Variants in GSE1 observed in about 807,000 individuals in gnomAD.
GSE1 encodes Gse1 coiled-coil protein, also known as genetic suppressor element 1.
A neutral mutation model predicts 112.6 loss-of-function variants in GSE1; 32 were observed. The ratio of observed to expected loss-of-function variants is 0.28; its 90% CI spans 0.21 to 0.38. GSE1 has a LOEUF of 0.38. Among genes scored for constraint, GSE1 ranks in the 10% least tolerant of loss-of-function variants. GSE1 has a pLI of 1.00. For synonymous variants in GSE1, 1,115 were observed against 735.6 expected (o/e 1.52, Z -8.35); for missense variants, 2,348 against 1,699.2 (o/e 1.38, Z -6.71).
chr16:85,379,377 C>T lies in GSE1; in HGVS notation c.2464+21734C>T, dbSNP rs923059474. Among the ~76,000 whole-genome samples the T allele has an allele frequency of 2.6e-5, 4 of 152,198 alleles. No homozygotes were observed. In the South Asian group the frequency reaches 8.3e-4, roughly 31 times the overall value. Reference sequence around the variant, plus strand: ...AATGGTGCCTGGCCCCGTGAGGTGGCCCTCGGAAAAACCTTGTCAGATGTA... The same window carrying T: ...AATGGTGCCTGGCCCCGTGAGGTGGTCCTCGGAAAAACCTTGTCAGATGTA... On this transcript the variant is annotated intron_variant, in intron 2 of 2. Transcript: ENST00000637419.
chr16:85,638,027 G>T (rs114116025), intron 2 of GSE1, among the ~76,000 whole-genome samples: 1 of 152,172 alleles, frequency 6.6e-6, no homozygotes, highest in African/African-American at 2.4e-5. Flanking sequence ...GCTGCCCCAC[G>T]CGGCCCCTCC....
intron 1 of GSE1, among the ~76,000 whole-genome samples, chr16:85,589,400 C>G (rs2046867630): frequency 6.6e-6 from 1 of 151,912 alleles, no homozygotes; most frequent in South Asian, 2.1e-4. Context: ...TGGGCAGGGC[C>G]TGGGCTGGGT....
At chr16:85,542,178 G>T (rs1393331823) in intron 2 of GSE1, among the ~76,000 whole-genome samples, 1 of 152,240 alleles carries the variant, frequency 6.6e-6, no homozygotes, top group Non-Finnish European at 1.5e-5. Context: ...GTAGAGTCAG[G>T]GCTGGGATGC....
intron 2 of GSE1, among the ~76,000 whole-genome samples, chr16:85,538,757 C>T (rs957541314): frequency 5.9e-5 from 9 of 152,160 alleles, no homozygotes; most frequent in Non-Finnish European, 1.2e-4. Flanking sequence ...GGAGCAGGCT[C>T]GGTGCCCCAC....
chr16:85,418,910 C>A (rs1411588459), intron 2 of GSE1, among the ~76,000 whole-genome samples: 1 of 152,154 alleles, frequency 6.6e-6, no homozygotes, highest in Non-Finnish European at 1.5e-5. Flanking sequence ...CTTAGAACAT[C>A]TCCAAGTCTG....
chr16:85,222,726 GGGA>G (rs1482464603), intron 1 of GSE1, among the ~76,000 whole-genome samples: 2 of 152,128 alleles, frequency 1.3e-5, no homozygotes, highest in Non-Finnish European at 2.9e-5. Context: ...GTGGACTGCC[GGGA>G]GGAGATGTTT....
chr16:85,531,977 G>A (rs901552862), intron 2 of GSE1, among the ~76,000 whole-genome samples: 2 of 152,186 alleles, frequency 1.3e-5, no homozygotes, highest in African/African-American at 4.8e-5. Context: ...GAGTAGGGGG[G>A]CAGGCAGAGG....
At chr16:85,385,928 G>A (rs565410179) in intron 2 of GSE1, among the ~76,000 whole-genome samples, 6 of 152,208 alleles carry the variant, frequency 3.9e-5, no homozygotes, top group African/African-American at 1.4e-4. Context: ...GGGGTATGGG[G>A]TGCTTTCAGG....
chr16:85,630,988 T>C (rs1029552675), intron 1 of GSE1, among the ~76,000 whole-genome samples: 1 of 152,160 alleles, frequency 6.6e-6, no homozygotes, highest in Non-Finnish European at 1.5e-5. Context: ...GTGTGACTTC[T>C]GAGAGCTGCT....
At chr16:85,480,002 C>T (rs1019713488) in intron 2 of GSE1, among the ~76,000 whole-genome samples, 1 of 152,212 alleles carries the variant, frequency 6.6e-6, no homozygotes, top group African/African-American at 2.4e-5. Context: ...GGCCACACAG[C>T]GGCCATGATG....
At chr16:85,540,166 A>T (rs3934891) in intron 2 of GSE1, among the ~76,000 whole-genome samples, 55,030 of 152,020 alleles carry the variant, frequency 0.36, 10,258 homozygotes, top group Middle Eastern at 0.51. Flanking sequence ...CTCATTGTAT[A>T]TGAAACATTT....
At chr16:85,484,714 C>T (rs1597909911) in intron 2 of GSE1, among the ~76,000 whole-genome samples, 2 of 152,232 alleles carry the variant, frequency 1.3e-5, no homozygotes, top group Non-Finnish European at 2.9e-5. Context: ...CACAGCAGAG[C>T]CCCGACTCAA....
intron 2 of GSE1, among the ~76,000 whole-genome samples, chr16:85,396,446 C>A (rs779187955): frequency 1.2e-4 from 18 of 152,256 alleles, no homozygotes; most frequent in Non-Finnish European, 2.2e-4. Flanking sequence ...ACCCCTTCCA[C>A]CTCCCCAGCA....
intron 1 of GSE1, among the ~76,000 whole-genome samples, chr16:85,308,795 G>A (rs1253442666): frequency 6.6e-6 from 1 of 150,996 alleles, no homozygotes; most frequent in Non-Finnish European, 1.5e-5. Flanking sequence ...ATTTTGGAGA[G>A]ACCAGGTCAA....
chr16:85,668,217 T>G lies in GSE1; in HGVS notation c.3208T>G (p.Ser1070Ala). 1 of 1,610,708 alleles carries G rather than the reference T, an allele frequency of 6.2e-7. No individual in the cohort carries two copies. The highest frequency in any genetic ancestry group is 8.5e-7 in the Non-Finnish European group (1 of 1,177,154). The stretch of plus-strand genomic sequence containing the variant: ...CCACTACAACATTCCTGAGCTGCAG[T>G]CCTCCAGCCGCGCCCCTCCACCCCA... ...SVHYNIPELQ[S>A]SSRAPPPQHN... The change falls in exon 14 of 16, where the codon TCC becomes GCC. Residue 1070 changes from serine to alanine, a missense_variant. Physicochemically the swap from Ser to Ala is moderately conservative, Grantham distance 99. Transcript: ENST00000253458.
intron 1 of GSE1, among the ~76,000 whole-genome samples, chr16:85,331,837 C>G (rs1274748011): frequency 6.6e-6 from 1 of 151,594 alleles, no homozygotes; most frequent in Non-Finnish European, 1.5e-5. Flanking sequence ...CATGAGTCAC[C>G]GCGCCCAGCT....
chr16:85,289,787 C>G (rs1294787536), intron 1 of GSE1, among the ~76,000 whole-genome samples: 1 of 152,136 alleles, frequency 6.6e-6, no homozygotes, highest in African/African-American at 2.4e-5. Flanking sequence ...GGTCTTTGTC[C>G]CTCAACTGGT....
At chr16:85,317,567 C>T (rs1294832536) in intron 1 of GSE1, among the ~76,000 whole-genome samples, 1 of 152,176 alleles carries the variant, frequency 6.6e-6, no homozygotes, top group East Asian at 1.9e-4. Flanking sequence ...TGTTGGTGAG[C>T]ATCCATGCGC....
At position 85,663,514 on chromosome 16, in the gene GSE1, C is replaced by CT; in HGVS notation, c.2545dup (p.Tyr849LeufsTer4). On this transcript the variant is annotated frameshift_variant, in exon 11 of 16. Transcript: ENST00000253458. LOFTEE classifies it high-confidence loss of function. ...CACCGAGACTGGCGCTGTCTACCCG[C>CT]TACAGCCCTGATGAGATGAACAACA... 1 of 1,613,924 alleles carries CT rather than the reference C, an allele frequency of 6.2e-7. No homozygotes were observed. Among genetic ancestry groups the CT allele is most frequent in the Non-Finnish European group, 8.5e-7 (1 of 1,179,984 alleles).
Sources: gnomAD v4.1 joint callset for allele counts (sites outside exome capture counted in the v4.1 genomes callset) on GRCh38, gnomAD v4.1.1 for gene constraint, MANE v1.5 for transcripts, NCBI Gene and HGNC (gene_info 2026-07-23, HGNC 2026-07-21) for gene names.